The following ROCK1 variants were observed in gnomAD, a reference collection of about 807,000 sequenced individuals.
ROCK1 encodes the protein Rho associated coiled-coil containing protein kinase 1.
A neutral mutation model predicts 196.8 loss-of-function variants in ROCK1; 36 were observed. The ratio of observed to expected loss-of-function variants is 0.18; its 90% CI spans 0.14 to 0.24. ROCK1 has a LOEUF of 0.24. Among genes scored for constraint, ROCK1 ranks in the 10% least tolerant of loss-of-function variants. ROCK1 has a pLI of 1.00. For missense variants in ROCK1, 920 were observed against 1,562.0 expected (o/e 0.59, Z 6.93); for synonymous variants, 443 against 515.9 (o/e 0.86, Z 1.91).
At chr18:20,965,436 CAT>C (rs2035365022) in intron 27 of ROCK1, among the ~76,000 whole-genome samples, 1 of 151,502 alleles carries the variant, frequency 6.6e-6, no homozygotes, top group Non-Finnish European at 1.5e-5. Flanking sequence ...TACATACATA[CAT>C]ACATATATAC....
At chr18:21,017,189 T>G (rs2035870578) in intron 12 of ROCK1, among the ~76,000 whole-genome samples, 1 of 143,820 alleles carries the variant, frequency 7.0e-6, no homozygotes, top group Non-Finnish European at 1.5e-5. Flanking sequence ...CACACTTCTT[T>G]TTTTTTTTTT....
intron 27 of ROCK1, among the ~76,000 whole-genome samples, chr18:20,965,513 G>A (rs2035366462): frequency 6.6e-6 from 1 of 151,978 alleles, no homozygotes; most frequent in Non-Finnish European, 1.5e-5. Context: ...AATAACTCCA[G>A]AAGTATCTCA....
At chr18:20,968,087 T>C in intron 25 of ROCK1, 147 bp from the exon 26 acceptor site, 1 of 736,150 alleles carries the variant, frequency 1.4e-6, no homozygotes. Context: ...TGATAACTGG[T>C]AGCACAAGTA....
At chr18:20,996,277 C>G (rs531647978) in intron 16 of ROCK1, among the ~76,000 whole-genome samples, 2 of 152,108 alleles carry the variant, frequency 1.3e-5, no homozygotes, top group African/African-American at 4.8e-5. Context: ...AACCGACATA[C>G]TGAAGAATGC....
rs775851680 is a variant in ROCK1 at position 20,969,160 on chromosome 18, T to C, written c.2869A>G (p.Arg957Gly). Reference protein sequence around the residue: ...MLTKDIEILRRENEELTEKMK... With the variant: ...MLTKDIEILRGENEELTEKMK... ...TTCTCTGTTAGCTCTTCATTCTCTCTTCTTAATATTTCAATATCTTTGGTT... is the reference window on the plus strand; with the variant it reads ...TTCTCTGTTAGCTCTTCATTCTCTCCTCTTAATATTTCAATATCTTTGGTT... The change falls in exon 24 of 33, where the codon AGA becomes GGA. Residue 957 changes from arginine (R) to glycine (G), a missense_variant. Arg to Gly is a moderately radical substitution (Grantham distance 125). Around this residue, in one of 6 missense-constraint regions of ROCK1, gnomAD observed 520 missense variants for 657.1 expected, o/e 0.79. Coordinates refer to ENST00000399799, the MANE Select transcript of ROCK1 (RefSeq NM_005406.3). 71 of 1,604,428 alleles carry C rather than the reference T, an allele frequency of 4.4e-5. No homozygotes were observed. Among genetic ancestry groups the C allele is most frequent in the Admixed American group, 8.3e-5 (5 of 59,970 alleles).
At chr18:20,966,885 T>C (rs1157168869) in intron 27 of ROCK1, 32 bp downstream of exon 27, 2 of 1,525,150 alleles carry the variant, frequency 1.3e-6, no homozygotes, top group Non-Finnish European at 1.8e-6. Flanking sequence ...ATGACATTTA[T>C]ACATGTTTGA....
At position 20,979,988 on chromosome 18, in the gene ROCK1, T is replaced by A; in HGVS notation, c.2576A>T (p.Gln859Leu). 1 of 1,555,508 alleles carries A rather than the reference T, an allele frequency of 6.4e-7. No homozygotes were observed. The highest frequency in any genetic ancestry group is 1.2e-5 in the South Asian group (1 of 83,628). ...EQYFSTLYKTQVKELKEEIEE... is the reference protein window; with the variant it reads ...EQYFSTLYKTLVKELKEEIEE... ...AATTTCTTCTTTAAGTTCCTTTACC[T>A]GGGTTTTATAAAGTGTCTGCAAAAC... The change falls in exon 22 of 33, where the codon CAG (glutamine) becomes CTG (leucine). Residue 859 changes from glutamine to leucine, a missense_variant. By Grantham distance (113) the Gln-to-Leu change is moderately radical. Coordinates refer to ENST00000399799, the MANE Select transcript of ROCK1 (RefSeq NM_005406.3).
Position 21,023,683 on chromosome 18 carries a change from G to A in ROCK1, c.1212-3C>T. 1 of 1,547,068 alleles carries A rather than the reference G, an allele frequency of 6.5e-7. No individual in the cohort carries two copies. Among genetic ancestry groups the A allele is most frequent in the Non-Finnish European group, 8.8e-7 (1 of 1,140,090 alleles). ...TAGGATTTGCTGAAGATAAGTATCT[G>A]AGGGAAAGAAAAGTTTAAAAAGAAA... On this transcript the variant is annotated splice_polypyrimidine_tract_variant and splice_region_variant and intron_variant, in intron 10 of 32. Transcript: ENST00000399799.
chr18:20,950,152 AACAGTATTTAT>A lies in ROCK1; in HGVS notation c.*1221_*1231del, dbSNP rs1228048346. The A allele has an allele frequency of 6.5e-6, 1 of 152,688 alleles. No homozygotes were observed. Among genetic ancestry groups the A allele is most frequent in the African/African-American group, 2.4e-5 (1 of 41,462 alleles). 9.5% of individuals were successfully genotyped at this position (152,688 alleles called of 1,614,324 possible). On this transcript the variant is annotated 3_prime_UTR_variant, in exon 33 of 33. Coordinates refer to ENST00000399799, the MANE Select transcript of ROCK1 (RefSeq NM_005406.3). ...AACTCTTGTTACTGGACAAGAGTTT[AACAGTATTTAT>A]CTGGTAATTCCTATGTTAACTGGAA...
rs981312305 is a variant in ROCK1 at position 21,028,823 on chromosome 18, A to T, written c.1164T>A (p.Val388=). The T allele has an allele frequency of 6.2e-7, 1 of 1,612,722 alleles. No homozygotes were observed. The highest frequency in any genetic ancestry group is 8.5e-7 in the Non-Finnish European group (1 of 1,179,630). Reference sequence around the variant, plus strand: ...ATCCTACAAAAGGTAGTTGATTGCCAACGAAAGCTTTAGGAATAGGGAATG... The same window carrying T: ...ATCCTACAAAAGGTAGTTGATTGCCTACGAAAGCTTTAGGAATAGGGAATG... ...EETFPIPKAF[V]GNQLPFVGFT... is the part of the protein sequence containing the mutation. The change falls in exon 10 of 33, where the codon GTT becomes GTA. Residue 388 remains valine (V), a synonymous_variant. Transcript: ENST00000399799.
chr18:21,098,526 C>G (rs1212151032), intron 1 of ROCK1, among the ~76,000 whole-genome samples: 2 of 151,596 alleles, frequency 1.3e-5, no homozygotes, highest in Admixed American at 6.6e-5. Flanking sequence ...ATCTTTCTAA[C>G]TATGACTCAA....
Position 21,008,069 on chromosome 18 carries a change from T to C in ROCK1, c.1536A>G (p.Val512=). Residue 512 remains valine, a synonymous_variant, in exon 14 of 33, where the codon GTA becomes GTG. Transcript: ENST00000399799. ...AEQENEKRRN[V]ENEVSTLKDQ... Reference sequence around the variant, plus strand: ...GTAGTGACAATTTACCTTCATTTTCTACATTTCTTCTCTTCTCATTTTCCT... The same window carrying C: ...GTAGTGACAATTTACCTTCATTTTCCACATTTCTTCTCTTCTCATTTTCCT... 1 of 1,592,788 alleles carries C rather than the reference T, an allele frequency of 6.3e-7. No individual in the cohort carries two copies. The highest frequency in any genetic ancestry group is 8.5e-7 in the Non-Finnish European group (1 of 1,171,326).
At chr18:21,028,979 A>G (rs1337044906) in intron 9 of ROCK1, 44 bp from the exon 10 acceptor site, 1 of 1,580,382 alleles carries the variant, frequency 6.3e-7, no homozygotes, top group South Asian at 1.2e-5. Context: ...AACTTAAAAT[A>G]CAAGTAAAGT....
intron 10 of ROCK1, among the ~76,000 whole-genome samples, chr18:21,026,880 T>C (rs1028810721): frequency 2.0e-5 from 3 of 152,010 alleles, no homozygotes; most frequent in Non-Finnish European, 1.5e-5. Flanking sequence ...CAGTAAGTGT[T>C]ATCATATAGT....
In ROCK1 at chr18:21,052,410, T is replaced by C. The variant is rs551981835; in HGVS notation, c.176-2530A>G. 8.5e-5 allele frequency among the ~76,000 whole-genome samples: 13 copies of C among 152,342 alleles called. No homozygotes were observed. In the South Asian group the frequency reaches 1.9e-3, roughly 22 times the overall value. On this transcript the variant is annotated intron_variant, in intron 2 of 32. Coordinates refer to ENST00000399799, the MANE Select transcript of ROCK1 (RefSeq NM_005406.3). ...CAGGATCTTAAACGAAGCCTATTTA[T>C]TGTAAAGTAGTCATGTAAGAAACCC... is the stretch of plus-strand genomic sequence containing the variant.
Position 20,950,256 on chromosome 18 carries a change from T to A in ROCK1, c.*1128A>T, listed in dbSNP as rs1382344141. On this transcript the variant is annotated 3_prime_UTR_variant, in exon 33 of 33. Transcript: ENST00000399799. ...CAACCTTCTACATTTTTTGCAGTTT[T>A]ATAAAGTCATTATTGTAGCAGGTAG... 1 of 152,364 alleles carries A rather than the reference T, an allele frequency of 6.6e-6. No homozygotes were observed. The highest frequency in any genetic ancestry group is 1.5e-5 in the Non-Finnish European group (1 of 68,050). The allele number at this position is 152,364 out of a possible 1,614,324, so 9.4% of individuals were successfully genotyped here.
At chr18:21,022,347 C>A (rs1439115956) in intron 11 of ROCK1, among the ~76,000 whole-genome samples, 1 of 152,138 alleles carries the variant, frequency 6.6e-6, no homozygotes, top group Non-Finnish European at 1.5e-5. Flanking sequence ...AAGAACTCAA[C>A]TAAAATGTAT....
rs1268337152 is a variant in ROCK1 at position 20,986,972 on chromosome 18, T to C, written c.2282A>G (p.Asn761Ser). 21 of 1,597,068 alleles carry C rather than the reference T, an allele frequency of 1.3e-5. No individual in the cohort carries two copies. The highest frequency in any genetic ancestry group is 1.6e-5 in the Non-Finnish European group (19 of 1,175,250). Residue 761 changes from asparagine to serine, a missense_variant, in exon 19 of 33, where the codon AAT (asparagine) becomes AGT (serine). Physicochemically the swap from Asn to Ser is conservative, Grantham distance 46. Coordinates refer to ENST00000399799, the MANE Select transcript of ROCK1 (RefSeq NM_005406.3). ...SQQKLEHLTG[N>S]KERMEDEVKN... ...TACTTCATCCTCCATCCTTTCTTTATTTCCAGTCAAATGTTCTAGTTTCTG... is the reference window on the plus strand; with the variant it reads ...TACTTCATCCTCCATCCTTTCTTTACTTCCAGTCAAATGTTCTAGTTTCTG...
rs775669162 is a variant in ROCK1, at chr18:21,033,910, T to C, written c.1052-4975A>G. Among the ~76,000 whole-genome samples the C allele has an allele frequency of 3.0e-3, 391 of 129,234 alleles. 1 individual carries two copies. Among genetic ancestry groups the C allele is most frequent in the Non-Finnish European group, 4.8e-3 (309 of 63,814 alleles). The allele number at this position is 129,234 out of a possible 152,430, so 84.8% of individuals were successfully genotyped here. A position where few individuals can be genotyped will look rare whatever the true frequency, so the allele number is the denominator to read the frequency against. On this transcript the variant is annotated intron_variant, in intron 9 of 32. Transcript: ENST00000399799. The stretch of plus-strand genomic sequence containing the variant: ...TTAGCCGGGTGTGCTGGCGGGTGCC[T>C]GTAGTCCCAGCTACTCGGGAGGCTG...
Sources: gnomAD v4.1 joint callset for allele counts (sites outside exome capture counted in the v4.1 genomes callset) on GRCh38, gnomAD v4.1.1 for gene constraint, gnomAD v4.1.1 regional missense constraint, MANE v1.5 for transcripts, NCBI Gene and HGNC (gene_info 2026-07-23, HGNC 2026-07-21) for gene names.